The following PLEKHA7 variants were observed in gnomAD, a reference collection of about 807,000 sequenced individuals.
PLEKHA7 encodes pleckstrin homology domain containing A7, also known as pleckstrin homology domain-containing family A member 7.
A neutral mutation model predicts 170.0 loss-of-function variants in PLEKHA7; 104 were observed. The ratio of observed to expected loss-of-function variants is 0.61; its 90% CI spans 0.52 to 0.72. PLEKHA7 has a LOEUF of 0.72. PLEKHA7 is among the 30% of genes least tolerant of loss of function. PLEKHA7 has a pLI of 0.00. For missense variants in PLEKHA7, 1,615 were observed against 1,671.7 expected (o/e 0.97, Z 0.59); for synonymous variants, 648 against 660.8 (o/e 0.98, Z 0.30).
rs1210440488 is a variant in PLEKHA7, at chr11:16,786,399, A to G, written c.3358-12T>C. 6.5e-7 allele frequency: 1 copy of G among 1,536,138 alleles called. No homozygotes were observed. Among genetic ancestry groups the G allele is most frequent in the Non-Finnish European group, 8.7e-7 (1 of 1,146,890 alleles). ...TGCTCACGCTTCCACTGGCAACAGA[A>G]CAAGAGGTTAAACGTAGTCGCTTCC... On this transcript the variant is annotated splice_polypyrimidine_tract_variant and intron_variant, in intron 23 of 26. Transcript: ENST00000531066.
At chr11:16,907,123 C>G (rs1395456861) in intron 3 of PLEKHA7, among the ~76,000 whole-genome samples, 1 of 103,122 alleles carries the variant, frequency 9.7e-6, no homozygotes, top group Admixed American at 1.0e-4. Context: ...TGGGGGTCAG[C>G]CCCCCGCCCG....
chr11:16,969,039 G>A, intron 3 of PLEKHA7, among the ~76,000 whole-genome samples: 1 of 152,158 alleles, frequency 6.6e-6, no homozygotes, highest in East Asian at 1.9e-4. Flanking sequence ...CCAGAAGGCC[G>A]AGCTTATGGG....
chr11:16,831,075 T>C (rs759250724), intron 9 of PLEKHA7, among the ~76,000 whole-genome samples: 19 of 152,198 alleles, frequency 1.2e-4, no homozygotes, highest in Non-Finnish European at 1.6e-4. Context: ...GCAGTCAGCT[T>C]GCCACTGGGC....
intron 4 of PLEKHA7, among the ~76,000 whole-genome samples, chr11:16,857,506 C>T (rs552669381): frequency 6.6e-6 from 1 of 152,264 alleles, no homozygotes. Context: ...CAGGAAGAGG[C>T]TCCAAGAGGC....
Position 16,803,311 on chromosome 11 carries a change from T to C in PLEKHA7, c.2008-16A>G. 6.2e-7 allele frequency: 1 copy of C among 1,605,812 alleles called. No homozygotes were observed. The highest frequency in any genetic ancestry group is 8.5e-7 in the Non-Finnish European group (1 of 1,172,508). On this transcript the variant is annotated splice_polypyrimidine_tract_variant and intron_variant, in intron 13 of 26. Coordinates refer to ENST00000531066, the MANE Select transcript of PLEKHA7 (RefSeq NM_001329630.2). ...GGCCTGTCATCTGGGAGGCGAACAA[T>C]TTAAAAGAGATTTAACCATGGTGTT...
chr11:16,843,203 C>A (rs1465263460), intron 8 of PLEKHA7, among the ~76,000 whole-genome samples: 1 of 152,210 alleles, frequency 6.6e-6, no homozygotes, highest in Non-Finnish European at 1.5e-5. Flanking sequence ...ATATTGCTCC[C>A]AGGTTCTATC....
chr11:16,807,202 A>C (rs1278411504), intron 13 of PLEKHA7: 1 of 985,276 alleles, frequency 1.0e-6, no homozygotes, highest in African/African-American at 1.7e-5. Context: ...AAGCACGTTG[A>C]TCAAAGGTTC....
chr11:16,983,545 AT>A (rs1341135703), intron 3 of PLEKHA7, among the ~76,000 whole-genome samples: 1 of 152,156 alleles, frequency 6.6e-6, no homozygotes, highest in South Asian at 2.1e-4. Context: ...AGCAGAATTC[AT>A]AGGGCTGCTG....
chr11:16,924,699 A>T (rs1565121380), intron 3 of PLEKHA7, among the ~76,000 whole-genome samples: 1 of 152,178 alleles, frequency 6.6e-6, no homozygotes, highest in Non-Finnish European at 1.5e-5. Context: ...CTTCTAGGGA[A>T]ATAGACTGCA....
chr11:16,979,445 G>A (rs899709281), intron 3 of PLEKHA7, among the ~76,000 whole-genome samples: 3 of 152,002 alleles, frequency 2.0e-5, no homozygotes, highest in African/African-American at 7.3e-5. Context: ...ACAGACATGG[G>A]ATCTGAGGCC....
Position 17,014,178 on chromosome 11 carries a change from C to T in PLEKHA7, c.110G>A (p.Trp37Ter). 6.3e-7 allele frequency: 1 copy of T among 1,597,692 alleles called. No homozygotes were observed. The highest frequency in any genetic ancestry group is 8.5e-7 in the Non-Finnish European group (1 of 1,173,786). ...FINDQLRCTT[W>*]LHPRTGEPVN... ...GGGCTCCCCGGTGCGCGGATGCAGC[C>T]AGGTCGTGCAGCGGAGCTGGTCACT... The change falls in exon 2 of 27, where the codon TGG becomes TAG. Residue 37 changes from tryptophan to a stop codon, truncating the protein, a stop_gained. Coordinates refer to ENST00000531066, the MANE Select transcript of PLEKHA7 (RefSeq NM_001329630.2). LOFTEE classifies it high-confidence loss of function.
intron 3 of PLEKHA7, among the ~76,000 whole-genome samples, chr11:16,896,383 C>T (rs1366453675): frequency 6.6e-6 from 1 of 152,188 alleles, no homozygotes; most frequent in East Asian, 1.9e-4. Context: ...CTAAACACCA[C>T]CATCCCGCAC....
chr11:16,844,534 G>T (rs1852231253), intron 8 of PLEKHA7, among the ~76,000 whole-genome samples: 1 of 152,350 alleles, frequency 6.6e-6, no homozygotes, highest in South Asian at 2.1e-4. Flanking sequence ...TCTCACTCCT[G>T]CCCTAGTCTC....
In PLEKHA7 at chr11:16,942,091, G is replaced by T. The variant is rs559155167; in HGVS notation, c.222-70909C>A. Among the ~76,000 whole-genome samples, 8 of 152,296 alleles carry T rather than the reference G, an allele frequency of 5.3e-5. No homozygotes were observed. The South Asian group carries it at 1.7e-3, about 32-fold the overall frequency. ...ATTTGCTCAATTAACCCTCACCACA[G>T]GTTCTATGAAGCCCATTTTACAGAC... On this transcript the variant is annotated intron_variant, in intron 3 of 26. Transcript: ENST00000531066.
rs1849213375 is a variant in PLEKHA7, at chr11:16,783,723, G to T, written c.3627C>A (p.Ile1209=). 2 of 1,479,808 alleles carry T rather than the reference G, an allele frequency of 1.4e-6. No homozygotes were observed. The highest frequency in any genetic ancestry group is 1.8e-6 in the Non-Finnish European group (2 of 1,119,572). The allele number at this position is 1,479,808 out of a possible 1,614,324, so 91.7% of individuals were successfully genotyped here. Residue 1209 remains isoleucine (I), a synonymous_variant, in exon 25 of 27, where the codon ATC becomes ATA. Coordinates refer to ENST00000531066, the MANE Select transcript of PLEKHA7 (RefSeq NM_001329630.2). ...ACCTTGACCGGGCGAGGATGTTGCG[G>T]ATCTTCTCGGCTTTGCGGTACCGCG... The part of the protein sequence containing the change: ...LQARYRKAEK[I]RNILARSSMC...
rs1847697908 is a variant in PLEKHA7 at position 16,789,685 on chromosome 11, T to C, written c.3156+90A>G. 1 of 1,190,316 alleles carries C rather than the reference T, an allele frequency of 8.4e-7. No individual in the cohort carries two copies. Among genetic ancestry groups the C allele is most frequent in the African/African-American group, 1.5e-5 (1 of 66,194 alleles). The allele number at this position is 1,190,316 out of a possible 1,614,324, so 73.7% of individuals were successfully genotyped here. A position where few individuals can be genotyped will look rare whatever the true frequency, so the allele number is the denominator to read the frequency against. On this transcript the variant is annotated intron_variant, in intron 22 of 26. Transcript: ENST00000531066. This position sits in a 1 kb window ranked among gnomAD's most constrained non-coding sequence, Gnocchi z 4.6. ...CCACCCCAGAGGCCATCCCCAGGGC[T>C]GAAGGGATGGCCAGTTACTGTCCCC...
intron 4 of PLEKHA7, among the ~76,000 whole-genome samples, chr11:16,865,704 A>G (rs948671019): frequency 2.6e-5 from 4 of 152,054 alleles, no homozygotes; most frequent in Non-Finnish European, 4.4e-5. Context: ...CTCAAAAAAA[A>G]GAAAAGAAAT....
Position 16,778,770 on chromosome 11 carries a change from T to C in PLEKHA7, c.*228A>G. 1.7e-6 allele frequency: 1 copy of C among 594,928 alleles called. No homozygotes were observed. The highest frequency in any genetic ancestry group is 2.9e-5 in the Admixed American group (1 of 34,330). The allele number at this position is 594,928 out of a possible 1,614,324, so 36.9% of individuals were successfully genotyped here. A position where few individuals can be genotyped will look rare whatever the true frequency, so the allele number is the denominator to read the frequency against. The stretch of plus-strand genomic sequence containing the variant: ...AAAATACAGTGTATTTTACAGTGTA[T>C]ATCAAAAGTGCCTTTGCCATTCATA... On this transcript the variant is annotated 3_prime_UTR_variant, in exon 27 of 27. Coordinates refer to ENST00000531066, the MANE Select transcript of PLEKHA7 (RefSeq NM_001329630.2).
At chr11:16,802,189 G>A (rs216489) in intron 15 of PLEKHA7, among the ~76,000 whole-genome samples, 96,794 of 152,132 alleles carry the variant, frequency 0.64, 31,002 homozygotes, top group South Asian at 0.67. Flanking sequence ...CCAGCATCAC[G>A]AATTTAAAAT....
Sources: gnomAD v4.1 joint callset for allele counts (sites outside exome capture counted in the v4.1 genomes callset) on GRCh38, gnomAD v4.1.1 for gene constraint, Gnocchi (gnomAD v3.1) non-coding constraint, MANE v1.5 for transcripts, NCBI Gene and HGNC (gene_info 2026-07-23, HGNC 2026-07-21) for gene names.